Variants in ST6GALNAC6 observed in about 807,000 individuals in gnomAD.
ST6GALNAC6 encodes the protein alpha-N-acetylgalactosaminide alpha-2,6-sialyltransferase 6.
A neutral mutation model predicts 34.3 loss-of-function variants in ST6GALNAC6; 19 were observed. The observed-to-expected ratio is 0.55, with a 90% CI of 0.39 to 0.81. ST6GALNAC6 has a LOEUF of 0.81. ST6GALNAC6 is among the 40% of genes least tolerant of loss of function. ST6GALNAC6 has a pLI of 0.00. For synonymous variants in ST6GALNAC6, 185 were observed against 182.1 expected, an observed-to-expected ratio of 1.02 and a Z score of -0.13; for missense variants, 377 against 467.7, an observed-to-expected ratio of 0.81 and a Z score of 1.79.
At chr9:127,896,137 A>T in intron 3 of ST6GALNAC6, 105 bp downstream of exon 3, 1 of 1,329,906 alleles carries the variant, frequency 7.5e-7, no homozygotes, top group Non-Finnish European at 1.1e-6. Flanking sequence ...TCTTGCGGGG[A>T]AGAAGAGACT....
intron 6 of ST6GALNAC6, 112 bp from the exon 7 acceptor site, chr9:127,886,900 C>A: frequency 5.4e-6 from 6 of 1,113,256 alleles, no homozygotes; most frequent in African/African-American, 1.6e-5. Context: ...CCCATGCCTC[C>A]TGGGGCCTCG....
At position 127,904,969 on chromosome 9, in the gene ST6GALNAC6, A is replaced by C. The variant is rs150363560; in HGVS notation, c.-77+238T>G. The C allele has an allele frequency of 6.6e-4, 101 of 152,952 alleles. 1 individual carries two copies. Among genetic ancestry groups the C allele is most frequent in the South Asian group, 3.7e-3 (18 of 4,834 alleles). 9.5% of individuals were successfully genotyped at this position (152,952 alleles called of 1,614,324 possible). On this transcript the variant is annotated intron_variant, in intron 1 of 5. Transcript: ENST00000622357. Reference sequence around the variant, plus strand: ...ACAAGGTGAAGCTGTGTGAACCGTGAGCGTGAGCTCTGGGCCAGGCTCCAT... The same window carrying C: ...ACAAGGTGAAGCTGTGTGAACCGTGCGCGTGAGCTCTGGGCCAGGCTCCAT...
At chr9:127,887,750 G>C (rs1588631410) in intron 5 of ST6GALNAC6, among the ~76,000 whole-genome samples, 159 bp from the exon 6 acceptor site, 1 of 152,202 alleles carries the variant, frequency 6.6e-6, no homozygotes, top group East Asian at 1.9e-4. Context: ...GCTGATGGGA[G>C]CATGGCATGT....
chr9:127,906,126 C>T (rs1205843686), upstream of ST6GALNAC6: 5 of 714,484 alleles, frequency 7.0e-6, no homozygotes, highest in African/African-American at 9.5e-5. Flanking sequence ...GGTCTCAGCC[C>T]CCTCTGTGAA....
Position 127,886,390 on chromosome 9 carries a change from CCT to C in ST6GALNAC6, c.*207_*208del. On this transcript the variant is annotated 3_prime_UTR_variant, in exon 7 of 7. Coordinates refer to ENST00000373146, the MANE Select transcript of ST6GALNAC6 (RefSeq NM_013443.5). ...ACCCTGACTGCACAAGAAAGACACC[CCT>C]GATTAACCGCATAGACTCCCAAATC... The C allele has an allele frequency of 1.4e-6, 2 of 1,411,882 alleles. No individual in the cohort carries two copies. The highest frequency in any genetic ancestry group is 1.9e-6 in the Non-Finnish European group (2 of 1,077,088). The allele number at this position is 1,411,882 out of a possible 1,614,324, so 87.5% of individuals were successfully genotyped here.
chr9:127,898,035 C>A, intron 1 of ST6GALNAC6, 25 bp from the exon 2 acceptor site: 1 of 1,140,916 alleles, frequency 8.8e-7, no homozygotes. Context: ...CAATAAGAGT[C>A]GGTAACTCAA....
At chr9:127,897,516 C>T in intron 2 of ST6GALNAC6, 1 of 861,452 alleles carries the variant, frequency 1.2e-6, no homozygotes, top group Non-Finnish European at 1.4e-6. Flanking sequence ...GGGAGCGCCC[C>T]TCATCCGGAG....
chr9:127,886,892 C>T, intron 6 of ST6GALNAC6, 104 bp from the exon 7 acceptor site: 1 of 1,208,178 alleles, frequency 8.3e-7, no homozygotes, highest in Non-Finnish European at 1.1e-6. Flanking sequence ...GAGAAATCCC[C>T]ATGCCTCCTG....
chr9:127,897,830 G>T, intron 2 of ST6GALNAC6, 126 bp downstream of exon 2: 1 of 1,568,306 alleles, frequency 6.4e-7, no homozygotes, highest in Non-Finnish European at 8.7e-7. Flanking sequence ...TCCCACCTTT[G>T]CCCGAGCTGT....
In ST6GALNAC6 at chr9:127,897,799, C is replaced by T. The variant is rs116122018; in HGVS notation, c.26+157G>A. On this transcript the variant is annotated intron_variant, in intron 2 of 6. Coordinates refer to ENST00000373146, the MANE Select transcript of ST6GALNAC6 (RefSeq NM_013443.5). ...GCGTGGCCACCCTTTCCTGCGGATGCCCCCTGCCCGCCGCCCACTTTCCCA... is the reference window on the plus strand; with the variant it reads ...GCGTGGCCACCCTTTCCTGCGGATGTCCCCTGCCCGCCGCCCACTTTCCCA... 4,758 of 1,501,536 alleles carry T rather than the reference C, an allele frequency of 3.2e-3. 144 individuals carry two copies. The African/African-American group carries it at 0.058, about 18-fold the overall frequency. 93.0% of individuals were successfully genotyped at this position (1,501,536 alleles called of 1,614,324 possible).
At chr9:127,891,093 T>C (rs368184330) in intron 4 of ST6GALNAC6, 50 bp from the exon 5 acceptor site, 30 of 1,587,954 alleles carry the variant, frequency 1.9e-5, no homozygotes, top group Middle Eastern at 3.5e-4. Context: ...GTGCTGGCCC[T>C]GTGCTCCATA....
chr9:127,886,905 G>A, intron 6 of ST6GALNAC6, 117 bp from the exon 7 acceptor site: 1 of 1,071,628 alleles, frequency 9.3e-7, no homozygotes, highest in Non-Finnish European at 1.3e-6. Context: ...GCCTCCTGGG[G>A]CCTCGGTTTC....
intron 4 of ST6GALNAC6, 25 bp from the exon 5 acceptor site, chr9:127,891,068 TA>T: frequency 6.2e-7 from 1 of 1,610,084 alleles, no homozygotes; most frequent in Non-Finnish European, 8.5e-7. Flanking sequence ...AAGTCAACAT[TA>T]TCACGGCCAC....
At chr9:127,897,227 G>A in intron 2 of ST6GALNAC6, 1 of 985,968 alleles carries the variant, frequency 1.0e-6, no homozygotes, top group East Asian at 1.1e-4. Flanking sequence ...AATGTACTGT[G>A]TCCAGCCTAC....
At chr9:127,900,649 C>T (rs1294300189), upstream of ST6GALNAC6, among the ~76,000 whole-genome samples, 1 of 147,472 alleles carries the variant, frequency 6.8e-6, no homozygotes, top group Non-Finnish European at 1.5e-5. Context: ...AGGATATTTA[C>T]GTGAAGAAAG....
chr9:127,896,410 C>A, intron 2 of ST6GALNAC6, 78 bp from the exon 3 acceptor site: 1 of 1,254,120 alleles, frequency 8.0e-7, no homozygotes, highest in South Asian at 1.4e-5. Context: ...TTCTCTGCCC[C>A]GCACTAGTTC....
Position 127,894,708 on chromosome 9 carries a change from T to A in ST6GALNAC6, c.118-17A>T. 1 of 1,605,770 alleles carries A rather than the reference T, an allele frequency of 6.2e-7. No homozygotes were observed. The highest frequency in any genetic ancestry group is 8.5e-7 in the Non-Finnish European group (1 of 1,175,478). On this transcript the variant is annotated splice_polypyrimidine_tract_variant and intron_variant, in intron 3 of 6. Transcript: ENST00000373146. ...CCGCTGCTCCTGGAGAGAGGAGAGGTCAGTGAGGGCCCAGCTGCCGGGCAG... is the reference window on the plus strand; with the variant it reads ...CCGCTGCTCCTGGAGAGAGGAGAGGACAGTGAGGGCCCAGCTGCCGGGCAG...
At chr9:127,886,853 G>T in intron 6 of ST6GALNAC6, 65 bp from the exon 7 acceptor site, 2 of 1,480,758 alleles carry the variant, frequency 1.4e-6, no homozygotes, top group Non-Finnish European at 1.8e-6. Context: ...TGCCCTTTCA[G>T]CCCCTCGCTT....
intron 2 of ST6GALNAC6, chr9:127,897,338 C>T: frequency 2.0e-6 from 2 of 985,826 alleles, no homozygotes; most frequent in Non-Finnish European, 2.4e-6. Context: ...CCAGGGGCCT[C>T]TCAGTTCCTG....
Sources: gnomAD v4.1 joint callset for allele counts (sites outside exome capture counted in the v4.1 genomes callset) on GRCh38, gnomAD v4.1.1 for gene constraint, MANE v1.5 for transcripts, NCBI Gene and HGNC (gene_info 2026-07-23, HGNC 2026-07-21) for gene names.